POLR3D: variants seen among roughly 807,000 people sequenced by gnomAD.
POLR3D encodes DNA-directed RNA polymerase III subunit RPC4.
Under a neutral mutation model 44.5 loss-of-function variants are expected in POLR3D, and 42 were observed. That is an observed-to-expected ratio of 0.94 (90% CI 0.74 to 1.22). The LOEUF (loss-of-function observed/expected upper bound fraction) is 1.22, where lower values mean the gene tolerates loss of function less well. POLR3D is among the 50% of genes most tolerant of loss of function. The pLI is 0.00. For missense variants in POLR3D, 507 were observed against 505.2 expected, an observed-to-expected ratio of 1.00 and a Z score of -0.03; for synonymous variants, 217 against 198.1, an observed-to-expected ratio of 1.10 and a Z score of -0.80.
At chr8:22,245,330 TGA>T in intron 1 of POLR3D, 113 bp from the exon 2 acceptor site, 1 of 707,804 alleles carries the variant, frequency 1.4e-6, no homozygotes, top group Non-Finnish European at 2.1e-6. Flanking sequence ...GGGGAGGAGC[TGA>T]GAGGCCACTG....
chr8:22,249,279 G>C lies in POLR3D; in HGVS notation c.891G>C (p.Gln297His), dbSNP rs1332955459. The C allele has an allele frequency of 1.9e-6, 3 of 1,614,026 alleles. No individual in the cohort carries two copies. Among genetic ancestry groups the C allele is most frequent in the Admixed American group, 3.3e-5 (2 of 60,002 alleles). The change falls in exon 7 of 9, where the codon CAG becomes CAC. Residue 297 changes from glutamine to histidine, a missense_variant. By Grantham distance (24) the Gln-to-His change is conservative. Coordinates refer to ENST00000306433, the MANE Select transcript of POLR3D (RefSeq NM_001722.3). ...CAGAGGTGCAGGGCGAGGACGGACA[G>C]GTGGTGCTCATCAAGCAGGAGAAAG... ...IKTEVQGEDG[Q>H]VVLIKQEKDR...
rs1305599091 is a variant in POLR3D, at chr8:22,249,203, C to T, written c.815C>T (p.Pro272Leu). The T allele has an allele frequency of 3.1e-6, 5 of 1,614,092 alleles. No individual in the cohort carries two copies. In the South Asian group the frequency reaches 3.3e-5, roughly 11 times the overall value. ...GAGGAACTGCTGTTTCTGCAGCTGC[C>T]AGACACCCTCCCTGGCCAGCCACCC... ...KEEELLFLQL[P>L]DTLPGQPPTQ... is the part of the protein sequence containing the mutation. The change falls in exon 7 of 9, where the codon CCA (proline) becomes CTA (leucine). Residue 272 changes from proline (P) to leucine (L), a missense_variant. Physicochemically the swap from Pro to Leu is moderately conservative, Grantham distance 98. Coordinates refer to ENST00000306433, the MANE Select transcript of POLR3D (RefSeq NM_001722.3).
rs965381516 is a variant in POLR3D at position 22,252,545 on chromosome 8, A to C, written c.*2027A>C. ...GCTTGAACCTTATGACTCCGTATCAAAGTCCTCACAACCTGTCTCAGATCC... is the reference window on the plus strand; with the variant it reads ...GCTTGAACCTTATGACTCCGTATCACAGTCCTCACAACCTGTCTCAGATCC... On this transcript the variant is annotated 3_prime_UTR_variant, in exon 9 of 9. Transcript: ENST00000306433. The C allele has an allele frequency of 3.9e-5, 6 of 152,208 alleles. No homozygotes were observed. The highest frequency in any genetic ancestry group is 7.3e-5 in the Non-Finnish European group (5 of 68,056). 9.4% of individuals were successfully genotyped at this position (152,208 alleles called of 1,614,324 possible).
intron 3 of POLR3D, among the ~76,000 whole-genome samples, chr8:22,247,598 C>A (rs1301870757): frequency 6.6e-6 from 1 of 152,176 alleles, no homozygotes; most frequent in African/African-American, 2.4e-5. Flanking sequence ...CTTTGCATTT[C>A]TGCCTTCCTG....
chr8:22,245,545 G>T lies in POLR3D; in HGVS notation c.96G>T (p.Ala32=), dbSNP rs570015643. 4.0e-6 allele frequency: 5 copies of T among 1,264,228 alleles called. No homozygotes were observed. Among genetic ancestry groups the T allele is most frequent in the Non-Finnish European group, 4.0e-6 (4 of 997,174 alleles). The allele number at this position is 1,264,228 out of a possible 1,614,324, so 78.3% of individuals were successfully genotyped here. ...GGGGGCTCATCGGGCGGCGGCCGGC[G>T]CCTCCCCTCACCCCCGGCCGCCTTC... ...GARGLIGRRP[A]PPLTPGRLPS... is the part of the protein sequence containing the mutation. The change falls in exon 2 of 9, where the codon GCG becomes GCT. Residue 32 remains alanine, a synonymous_variant. Coordinates refer to ENST00000306433, the MANE Select transcript of POLR3D (RefSeq NM_001722.3).
At position 22,245,202 on chromosome 8, in the gene POLR3D, G is replaced by A. The variant is rs1586505228; in HGVS notation, c.-6+19G>A. ...GTTGCAGGTGAGGTTGTGACGCGCG[G>A]TGTGGAGCCGCGGCCCGGGTGCGTC... On this transcript the variant is annotated intron_variant, in intron 1 of 8. Transcript: ENST00000306433. The A allele has an allele frequency of 5.3e-6, 3 of 567,432 alleles. No homozygotes were observed. In the South Asian group the frequency reaches 5.9e-5, roughly 11 times the overall value. 35.1% of individuals were successfully genotyped at this position (567,432 alleles called of 1,614,324 possible). A position where few individuals can be genotyped will look rare whatever the true frequency, so the allele number is the denominator to read the frequency against.
rs375256604 is a variant in POLR3D, at chr8:22,250,247, C to A, written c.1074+20C>A. On this transcript the variant is annotated intron_variant, in intron 8 of 8. Coordinates refer to ENST00000306433, the MANE Select transcript of POLR3D (RefSeq NM_001722.3). Reference sequence around the variant, plus strand: ...CTGCAGGTAAGAGCCTCCTTAGGGGCAAGGAGGGACCCTTTCAGGAGTGAA... The same window carrying A: ...CTGCAGGTAAGAGCCTCCTTAGGGGAAAGGAGGGACCCTTTCAGGAGTGAA... 8 of 1,613,320 alleles carry A rather than the reference C, an allele frequency of 5.0e-6. No individual in the cohort carries two copies. Among genetic ancestry groups the A allele is most frequent in the African/African-American group, 1.3e-5 (1 of 74,852 alleles).
At chr8:22,245,991 A>G (rs543580896) in intron 2 of POLR3D, among the ~76,000 whole-genome samples, 3 of 152,322 alleles carry the variant, frequency 2.0e-5, no homozygotes, top group Non-Finnish European at 4.4e-5. Flanking sequence ...CAAACTTTTT[A>G]TCTAGAGTAT....
At chr8:22,245,399 C>T (rs535403177) in intron 1 of POLR3D, 46 bp from the exon 2 acceptor site, 4 of 1,296,826 alleles carry the variant, frequency 3.1e-6, no homozygotes, top group South Asian at 3.0e-5. Context: ...CGCCAGGGTC[C>T]GCGTGTCAGT....
chr8:22,245,996 G>T (rs368069547), intron 2 of POLR3D, among the ~76,000 whole-genome samples: 1 of 152,216 alleles, frequency 6.6e-6, no homozygotes, highest in Non-Finnish European at 1.5e-5. Flanking sequence ...TTTTTATCTA[G>T]AGTATGATGA....
At position 22,250,436 on chromosome 8, in the gene POLR3D, A is replaced by G. The variant is rs764916231; in HGVS notation, c.1115A>G (p.Glu372Gly). 2 of 1,614,076 alleles carry G rather than the reference A, an allele frequency of 1.2e-6. No homozygotes were observed. The highest frequency in any genetic ancestry group is 2.2e-5 in the South Asian group (2 of 91,080). ...SVGLGDSRTG[E>G]MTVLGHVKHK... is the part of the protein sequence containing the mutation. ...GGCCTTGGAGACAGTAGGACAGGGG[A>G]GATGACAGTCCTGGGACACGTGAAG... Residue 372 changes from glutamate to glycine, a missense_variant, in exon 9 of 9, where the codon GAG (glutamate) becomes GGG (glycine). By Grantham distance (98) the Glu-to-Gly change is moderately conservative (BLOSUM62 -2). Transcript: ENST00000306433.
chr8:22,245,426 G>C lies in POLR3D; in HGVS notation c.-5-19G>C. 7.6e-7 allele frequency: 1 copy of C among 1,309,362 alleles called. No homozygotes were observed. 81.1% of individuals were successfully genotyped at this position (1,309,362 alleles called of 1,614,324 possible). The stretch of plus-strand genomic sequence containing the variant: ...CGTGTCAGTCCCCTCTGGTGATCTC[G>C]TCGCCCCTTCTCTCCCAGGCAACAT... On this transcript the variant is annotated intron_variant, in intron 1 of 8. Transcript: ENST00000306433.
chr8:22,247,149 G>T lies in POLR3D; in HGVS notation c.166-72G>T, dbSNP rs1830051935. On this transcript the variant is annotated intron_variant, in intron 2 of 8. Transcript: ENST00000306433. ...CTTGGTCTGTAGAAGATGCCCTTTG[G>T]GAATTTTTATTTTCCTCTGTACTTT... 6.6e-6 allele frequency: 8 copies of T among 1,203,398 alleles called. No individual in the cohort carries two copies. In the Admixed American group the frequency reaches 1.5e-4, roughly 22 times the overall value. The allele number at this position is 1,203,398 out of a possible 1,614,324, so 74.5% of individuals were successfully genotyped here.
At chr8:22,247,171 C>T in intron 2 of POLR3D, 50 bp from the exon 3 acceptor site, 2 of 1,438,532 alleles carry the variant, frequency 1.4e-6, no homozygotes, top group Non-Finnish European at 1.9e-6. Context: ...TTCCTCTGTA[C>T]TTTGGGGTCA....
At chr8:22,248,382 C>T (rs1830064894) in intron 5 of POLR3D, 99 bp from the exon 6 acceptor site, 1 of 1,572,490 alleles carries the variant, frequency 6.4e-7, no homozygotes, top group Non-Finnish European at 8.6e-7. Flanking sequence ...TCCTGGAATC[C>T]TGGGGAGCAG....
At chr8:22,249,338 C>T in intron 7 of POLR3D, 29 bp downstream of exon 7, 1 of 1,606,080 alleles carries the variant, frequency 6.2e-7, no homozygotes, top group Non-Finnish European at 8.5e-7. Flanking sequence ...CTGCGGGAAT[C>T]AAGTCGGGGA....
chr8:22,251,364 G>C lies in POLR3D; in HGVS notation c.*846G>C, dbSNP rs1830104194. ...TGTTAGCCAGGTGCCTCCTGTGTGA[G>C]TTACTGTAATAGCTGCAGGTAATAG... is the stretch of plus-strand genomic sequence containing the variant. On this transcript the variant is annotated 3_prime_UTR_variant, in exon 9 of 9. Transcript: ENST00000306433. 6.5e-6 allele frequency: 1 copy of C among 153,652 alleles called. No homozygotes were observed. The highest frequency in any genetic ancestry group is 1.5e-5 in the Non-Finnish European group (1 of 68,086). The allele number at this position is 153,652 out of a possible 1,614,324, so 9.5% of individuals were successfully genotyped here.
intron 7 of POLR3D, among the ~76,000 whole-genome samples, chr8:22,249,658 T>C (rs1037430734): frequency 2.6e-5 from 4 of 152,106 alleles, no homozygotes; most frequent in South Asian, 2.1e-4. Context: ...GGTGACACCA[T>C]GGCTAATACA....
In POLR3D at chr8:22,251,937, T is replaced by C. The variant is rs1041420260; in HGVS notation, c.*1419T>C. On this transcript the variant is annotated 3_prime_UTR_variant, in exon 9 of 9. Coordinates refer to ENST00000306433, the MANE Select transcript of POLR3D (RefSeq NM_001722.3). ...ACCATAGGGGCTCAGGAAGAACCGC[T>C]TCCCCTCCACCCCCATCCCTGATTC... 6 of 152,934 alleles carry C rather than the reference T, an allele frequency of 3.9e-5. No homozygotes were observed. The South Asian group carries it at 1.0e-3, about 26-fold the overall frequency. The allele number at this position is 152,934 out of a possible 1,614,324, so 9.5% of individuals were successfully genotyped here. A position where few individuals can be genotyped will look rare whatever the true frequency, so the allele number is the denominator to read the frequency against.
Sources: gnomAD v4.1 joint callset for allele counts (sites outside exome capture counted in the v4.1 genomes callset) on GRCh38, gnomAD v4.1.1 for gene constraint, MANE v1.5 for transcripts, NCBI Gene and HGNC (gene_info 2026-07-23, HGNC 2026-07-21) for gene names.